The following SH3RF3 variants were observed in gnomAD, a reference collection of about 807,000 sequenced individuals.
The protein encoded by SH3RF3 is E3 ubiquitin-protein ligase SH3RF3.
SH3RF3 carries 29 observed loss-of-function variants against 66.3 expected under a neutral mutation model. That is an observed-to-expected ratio of 0.44 (90% confidence interval 0.33 to 0.60). The LOEUF (loss-of-function observed/expected upper bound fraction) is 0.60, where lower values mean the gene tolerates loss of function less well. SH3RF3 is among the 20% of genes least tolerant of loss of function. The pLI is 0.04. For missense variants in SH3RF3, 1,194 were observed against 1,190.9 expected (o/e 1.00, Z -0.04); for synonymous variants, 583 against 532.0 (o/e 1.10, Z -1.32).
At chr2:109,357,267 C>T (rs376099877) in intron 2 of SH3RF3, among the ~76,000 whole-genome samples, 178 of 151,968 alleles carry the variant, frequency 1.2e-3, no homozygotes, top group African/African-American at 4.1e-3. Flanking sequence ...CTGCAAGCTC[C>T]GCCTCCCAGG....
chr2:109,415,646 C>T (rs746902027), intron 4 of SH3RF3, among the ~76,000 whole-genome samples: 1 of 152,138 alleles, frequency 6.6e-6, no homozygotes, highest in African/African-American at 2.4e-5. Flanking sequence ...GGACGCCGTG[C>T]CCTCAGACTG....
intron 1 of SH3RF3, among the ~76,000 whole-genome samples, chr2:109,155,729 G>A (rs1677332301): frequency 6.6e-6 from 1 of 152,172 alleles, no homozygotes; most frequent in South Asian, 2.1e-4. Context: ...AGCAGTACTT[G>A]AGAACAAAAA....
At chr2:109,210,846 A>G (rs1678958288) in intron 1 of SH3RF3, among the ~76,000 whole-genome samples, 1 of 152,212 alleles carries the variant, frequency 6.6e-6, no homozygotes, top group African/African-American at 2.4e-5. Context: ...TTAAAAATCT[A>G]TTTACAACCT....
intron 1 of SH3RF3, among the ~76,000 whole-genome samples, chr2:109,247,647 T>C (rs751301693): frequency 6.6e-6 from 1 of 151,602 alleles, no homozygotes; most frequent in Admixed American, 6.6e-5. Flanking sequence ...ACGGACTGGC[T>C]GCGTTAGCTC....
At chr2:109,397,160 C>T (rs1676169627) in intron 3 of SH3RF3, among the ~76,000 whole-genome samples, 1 of 152,148 alleles carries the variant, frequency 6.6e-6, no homozygotes, top group Admixed American at 6.5e-5. Flanking sequence ...GCCAGGCCTG[C>T]ACACAACCAC....
At chr2:109,477,687 C>T (rs1678722812) in intron 8 of SH3RF3, among the ~76,000 whole-genome samples, 1 of 151,944 alleles carries the variant, frequency 6.6e-6, no homozygotes, top group South Asian at 2.1e-4. Flanking sequence ...CACAGTTTTG[C>T]GGGCTGGAAG....
chr2:109,374,008 G>A (rs1225817687), intron 3 of SH3RF3, among the ~76,000 whole-genome samples: 4 of 152,102 alleles, frequency 2.6e-5, no homozygotes, highest in Non-Finnish European at 4.4e-5. Context: ...GGAGTCAGCC[G>A]CATCTGTGCC....
intron 7 of SH3RF3, among the ~76,000 whole-genome samples, chr2:109,448,560 C>T (rs1005120699): frequency 1.1e-4 from 16 of 152,134 alleles, no homozygotes; most frequent in African/African-American, 2.2e-4. Flanking sequence ...CTAGGTTGCA[C>T]GCTCCTTATG....
At chr2:109,161,995 G>A (rs957531841) in intron 1 of SH3RF3, among the ~76,000 whole-genome samples, 2 of 152,126 alleles carry the variant, frequency 1.3e-5, no homozygotes, top group African/African-American at 4.8e-5. Flanking sequence ...CGTAGATGGT[G>A]TCAGAAAGTA....
chr2:109,266,619 C>T (rs73952901), intron 1 of SH3RF3, among the ~76,000 whole-genome samples: 2,289 of 151,998 alleles, frequency 0.015, 71 homozygotes, highest in African/African-American at 0.052. Flanking sequence ...GAGCAGGGCT[C>T]CCCTCAGGGC....
chr2:109,432,099 T>C (rs7568694), intron 5 of SH3RF3, among the ~76,000 whole-genome samples: 15,202 of 152,208 alleles, frequency 0.1, 815 homozygotes, highest in Middle Eastern at 0.14. Context: ...AGGTTTCCCT[T>C]GCTCAGAGCA....
intron 1 of SH3RF3, among the ~76,000 whole-genome samples, chr2:109,252,341 G>C (rs893975008): frequency 2.6e-5 from 4 of 152,128 alleles, no homozygotes; most frequent in Admixed American, 6.5e-5. Context: ...CAGAAGCCGG[G>C]TTTATTTTTA....
At chr2:109,279,404 G>A (rs916535608) in intron 1 of SH3RF3, among the ~76,000 whole-genome samples, 1 of 152,214 alleles carries the variant, frequency 6.6e-6, no homozygotes, top group Non-Finnish European at 1.5e-5. Context: ...ATCACCTGCT[G>A]GAGTGACTGT....
At chr2:109,470,136 C>A (rs1467100308) in intron 8 of SH3RF3, among the ~76,000 whole-genome samples, 1 of 152,210 alleles carries the variant, frequency 6.6e-6, no homozygotes, top group Non-Finnish European at 1.5e-5. Flanking sequence ...ACAAGGATTC[C>A]TTGTCCCTTC....
intron 8 of SH3RF3, among the ~76,000 whole-genome samples, chr2:109,459,093 T>C (rs1308952144): frequency 1.3e-5 from 2 of 151,856 alleles, no homozygotes; most frequent in Non-Finnish European, 2.9e-5. Context: ...GGATTCAGAG[T>C]CTTTGAGTGG....
intron 4 of SH3RF3, among the ~76,000 whole-genome samples, chr2:109,414,403 A>G (rs1000551699): frequency 2.6e-5 from 4 of 152,072 alleles, no homozygotes; most frequent in Non-Finnish European, 4.4e-5. Context: ...CTATTGATTC[A>G]GGTTTCATCT....
At chr2:109,349,624 G>T (rs1462213876) in intron 2 of SH3RF3, among the ~76,000 whole-genome samples, 4 of 152,166 alleles carry the variant, frequency 2.6e-5, no homozygotes, top group African/African-American at 9.7e-5. Flanking sequence ...CCCCATAATG[G>T]CTCTAGGCTT....
At chr2:109,496,046 G>T (rs1441135821) in intron 9 of SH3RF3, among the ~76,000 whole-genome samples, 1 of 152,166 alleles carries the variant, frequency 6.6e-6, no homozygotes, top group East Asian at 1.9e-4. Flanking sequence ...CATGGAAGGG[G>T]ACCCACCGGG....
intron 1 of SH3RF3, among the ~76,000 whole-genome samples, chr2:109,134,336 G>T (rs1320337047): frequency 6.6e-6 from 1 of 152,168 alleles, no homozygotes; most frequent in Non-Finnish European, 1.5e-5. Context: ...AGAGGAAAAG[G>T]CTGGCACTTG....
Sources: gnomAD v4.1 joint callset for allele counts (sites outside exome capture counted in the v4.1 genomes callset) on GRCh38, gnomAD v4.1.1 for gene constraint, MANE v1.5 for transcripts, NCBI Gene and HGNC (gene_info 2026-07-23, HGNC 2026-07-21) for gene names.